CYTH1: variants seen among roughly 807,000 people sequenced by gnomAD.
CYTH1 encodes cytohesin-1.
In CYTH1, 18 loss-of-function variants were observed where a neutral mutation model predicts 61.8. The observed-to-expected ratio is 0.29, with a 90% CI of 0.20 to 0.43. CYTH1 has a LOEUF of 0.43. Among genes scored for constraint, CYTH1 ranks in the 20% least tolerant of loss-of-function variants. The pLI is 1.00. For missense variants in CYTH1, 336 were observed against 510.5 expected (o/e 0.66, Z 3.29); for synonymous variants, 174 against 184.3 (o/e 0.94, Z 0.45).
intron 1 of CYTH1, among the ~76,000 whole-genome samples, chr17:78,773,702 A>C (rs17658261): frequency 0.021 from 3,125 of 152,244 alleles, 97 homozygotes; most frequent in South Asian, 0.15. Flanking sequence ...TCTCGTAAGG[A>C]AACATTTTGT....
intron 6 of CYTH1, 140 bp downstream of exon 6, chr17:78,701,531 A>G (rs555672628): frequency 4.0e-4 from 326 of 805,698 alleles, no homozygotes; most frequent in Non-Finnish European, 6.3e-4. Context: ...AGACCAATAG[A>G]TTTCTTCCCT....
At chr17:78,687,254 C>G (rs1352160320) in intron 11 of CYTH1, among the ~76,000 whole-genome samples, 2 of 151,744 alleles carry the variant, frequency 1.3e-5, no homozygotes, top group Non-Finnish European at 2.9e-5. Flanking sequence ...ACATGTGTTG[C>G]TTGTGTCCAG....
At chr17:78,701,538 C>T in intron 6 of CYTH1, 133 bp downstream of exon 6, 1 of 838,034 alleles carries the variant, frequency 1.2e-6, no homozygotes, top group Non-Finnish European at 1.9e-6. Context: ...TAGATTTCTT[C>T]CCTCCAAAAT....
At position 78,698,219 on chromosome 17, in the gene CYTH1, T is replaced by A. The variant is rs572835033; in HGVS notation, c.811+50A>T. 88 of 1,489,918 alleles carry A rather than the reference T, an allele frequency of 5.9e-5. 2 individuals are homozygous for A. In the South Asian group the frequency reaches 9.0e-4, roughly 15 times the overall value. 92.3% of individuals were successfully genotyped at this position (1,489,918 alleles called of 1,614,324 possible). A position where few individuals can be genotyped will look rare whatever the true frequency, so the allele number is the denominator to read the frequency against. ...CACGCACACACGCACACACACCGCCTTTCTTCCTAAGTCTCAGCTTTAGGA... is the reference window on the plus strand; with the variant it reads ...CACGCACACACGCACACACACCGCCATTCTTCCTAAGTCTCAGCTTTAGGA... On this transcript the variant is annotated intron_variant, in intron 9 of 13. Coordinates refer to ENST00000446868, the MANE Select transcript of CYTH1 (RefSeq NM_004762.6).
chr17:78,756,216 C>T (rs955971396), intron 1 of CYTH1, among the ~76,000 whole-genome samples: 1 of 151,702 alleles, frequency 6.6e-6, no homozygotes, highest in Non-Finnish European at 1.5e-5. Flanking sequence ...GCTGGGATTA[C>T]AGGCGCCCAC....
At chr17:78,747,145 CAAAAAAAAAAAAAA>C (rs56201341) in intron 1 of CYTH1, among the ~76,000 whole-genome samples, 3 of 57,830 alleles carry the variant, frequency 5.2e-5, no homozygotes, top group African/African-American at 7.3e-5. Flanking sequence ...ATGGCAGCGC[CAAAAAAAAAAAAAA>C]AAAAAAAAAA....
In CYTH1 at chr17:78,708,484, A is replaced by T. The variant is rs146609339; in HGVS notation, c.106-223T>A. Among the ~76,000 whole-genome samples, 24 of 152,354 alleles carry T rather than the reference A, an allele frequency of 1.6e-4. No homozygotes were observed. In the East Asian group the frequency reaches 4.6e-3, roughly 29 times the overall value. On this transcript the variant is annotated intron_variant, in intron 2 of 13. Transcript: ENST00000446868. ...TCCAGAAAACACCAAGGTAGAAAAG[A>T]ATACAGCCTCTGACCTCAAGGAGTT... is the stretch of plus-strand genomic sequence containing the variant.
At position 78,718,721 on chromosome 17, in the gene CYTH1, G is replaced by A. The variant is rs374318202; in HGVS notation, c.23-8989C>T. Among the ~76,000 whole-genome samples the A allele has an allele frequency of 5.9e-5, 9 of 152,326 alleles. No homozygotes were observed. In the East Asian group the frequency reaches 1.5e-3, roughly 26 times the overall value. On this transcript the variant is annotated intron_variant, in intron 1 of 13. Transcript: ENST00000446868. Reference sequence around the variant, plus strand: ...GAGACATACCAATGTTCAACAAACTGCTAATCTCTCTGGGCCTCAGTTTTG... The same window carrying A: ...GAGACATACCAATGTTCAACAAACTACTAATCTCTCTGGGCCTCAGTTTTG...
chr17:78,735,586 C>T (rs560098764), intron 1 of CYTH1, among the ~76,000 whole-genome samples: 2 of 152,342 alleles, frequency 1.3e-5, no homozygotes, highest in African/African-American at 2.4e-5. Flanking sequence ...GCGTCCCCCA[C>T]GCGTGCTGCA....
At chr17:78,678,813 C>A (rs1175478392) in intron 13 of CYTH1, among the ~76,000 whole-genome samples, 1 of 152,186 alleles carries the variant, frequency 6.6e-6, no homozygotes, top group Non-Finnish European at 1.5e-5. Flanking sequence ...TCAAAAGAGC[C>A]CCATGAGGCA....
At chr17:78,704,722 A>G (rs1360979631) in intron 3 of CYTH1, among the ~76,000 whole-genome samples, 1 of 152,188 alleles carries the variant, frequency 6.6e-6, no homozygotes, top group Non-Finnish European at 1.5e-5. Flanking sequence ...GAGTCTTGCT[A>G]TGTAACCCAG....
intron 1 of CYTH1, among the ~76,000 whole-genome samples, chr17:78,771,037 C>G (rs1378703405): frequency 1.3e-5 from 2 of 152,012 alleles, no homozygotes; most frequent in Non-Finnish European, 2.9e-5. Context: ...CCGAGGTGGA[C>G]AGATCACATG....
chr17:78,690,315 G>C (rs574179278), intron 11 of CYTH1, among the ~76,000 whole-genome samples: 2 of 143,766 alleles, frequency 1.4e-5, no homozygotes, highest in South Asian at 2.2e-4. Flanking sequence ...AATGGCGTGA[G>C]CCCGGGAGGC....
chr17:78,739,748 G>A lies in CYTH1; in HGVS notation c.23-30016C>T, dbSNP rs1263798110. ...CACAGGAGCTGGAGACCAGTTGGGGGGCTGCTATAGTCATCCAGGTGAGAC... is the reference window on the plus strand; with the variant it reads ...CACAGGAGCTGGAGACCAGTTGGGGAGCTGCTATAGTCATCCAGGTGAGAC... On this transcript the variant is annotated intron_variant, in intron 1 of 13. Transcript: ENST00000446868. 5.9e-5 allele frequency among the ~76,000 whole-genome samples: 9 copies of A among 152,262 alleles called. 1 individual carries two copies. The highest frequency in any genetic ancestry group is 1.7e-4 in the African/African-American group (7 of 41,538).
intron 1 of CYTH1, among the ~76,000 whole-genome samples, chr17:78,765,812 T>G (rs1160134965): frequency 6.6e-6 from 1 of 152,108 alleles, no homozygotes; most frequent in African/African-American, 2.4e-5. Context: ...GATCACAACT[T>G]GATTTTTTTT....
chr17:78,710,810 C>G (rs2093120959), intron 1 of CYTH1, among the ~76,000 whole-genome samples: 2 of 152,156 alleles, frequency 1.3e-5, no homozygotes, highest in South Asian at 4.1e-4. Context: ...AAAGGGCACC[C>G]ACACTCTCAA....
rs532170646 is a variant in CYTH1 at position 78,765,282 on chromosome 17, C to T, written c.22+16920G>A. Among the ~76,000 whole-genome samples, 5 of 152,198 alleles carry T rather than the reference C, an allele frequency of 3.3e-5. No homozygotes were observed. The East Asian group carries it at 5.8e-4, about 18-fold the overall frequency. ...TGGACCATGGAACACACCCAGAAAACGGGGCTCCTTCTAAAGGTAGACCCC... is the reference window on the plus strand; with the variant it reads ...TGGACCATGGAACACACCCAGAAAATGGGGCTCCTTCTAAAGGTAGACCCC... On this transcript the variant is annotated intron_variant, in intron 1 of 13. Coordinates refer to ENST00000446868, the MANE Select transcript of CYTH1 (RefSeq NM_004762.6).
chr17:78,686,009 T>C (rs938935302), intron 11 of CYTH1, among the ~76,000 whole-genome samples: 1 of 152,140 alleles, frequency 6.6e-6, no homozygotes, highest in Non-Finnish European at 1.5e-5. Context: ...TGAAATACGG[T>C]GTCTTCTTTG....
chr17:78,682,653 C>G (rs571338204), intron 11 of CYTH1, among the ~76,000 whole-genome samples: 3 of 152,256 alleles, frequency 2.0e-5, no homozygotes, highest in Non-Finnish European at 4.4e-5. Flanking sequence ...TGGCTGCTAT[C>G]TGGCTGTGCC....
Sources: gnomAD v4.1 joint callset for allele counts (sites outside exome capture counted in the v4.1 genomes callset) on GRCh38, gnomAD v4.1.1 for gene constraint, MANE v1.5 for transcripts, NCBI Gene and HGNC (gene_info 2026-07-23, HGNC 2026-07-21) for gene names.